The following SLC2A9 variants were observed in gnomAD, a reference collection of about 807,000 sequenced individuals.
The protein encoded by SLC2A9 is solute carrier family 2 member 9.
Under a neutral mutation model 50.6 loss-of-function variants are expected in SLC2A9, and 39 were observed. That is an observed-to-expected ratio of 0.77 (90% CI 0.60 to 1.01). The LOEUF (loss-of-function observed/expected upper bound fraction) is 1.01, where lower values mean the gene tolerates loss of function less well. Ranked by LOEUF, SLC2A9 falls within the 50% of genes least tolerant of loss-of-function variation. The pLI, the probability that SLC2A9 is intolerant of heterozygous loss-of-function variation, is 0.00. For missense variants in SLC2A9, 686 were observed against 677.6 expected, an observed-to-expected ratio of 1.01 and a Z score of -0.14; for synonymous variants, 324 against 276.9, an observed-to-expected ratio of 1.17 and a Z score of -1.69.
chr4:9,813,027 A>C (rs1306795733), intron 3 of SLC2A9, among the ~76,000 whole-genome samples: 2 of 152,236 alleles, frequency 1.3e-5, no homozygotes, highest in African/African-American at 4.8e-5. Flanking sequence ...TTTGGGTTTC[A>C]TAACCAGCTA....
intron 2 of SLC2A9, among the ~76,000 whole-genome samples, chr4:10,000,288 T>C (rs927156261): frequency 3.3e-5 from 5 of 152,246 alleles, no homozygotes; most frequent in African/African-American, 1.2e-4. Flanking sequence ...GGCCCTGAGC[T>C]AGACACAGAG....
chr4:9,910,574 T>G (rs1330518594), intron 7 of SLC2A9, among the ~76,000 whole-genome samples: 1 of 152,234 alleles, frequency 6.6e-6, no homozygotes, highest in Non-Finnish European at 1.5e-5. Context: ...TGAAGGTGTC[T>G]GACATTTGTG....
intron 1 of SLC2A9, among the ~76,000 whole-genome samples, chr4:9,772,172 C>A (rs1229505835): frequency 6.6e-6 from 1 of 152,138 alleles, no homozygotes. Context: ...GTGAAGACAT[C>A]AGCACTGAGA....
chr4:9,850,209 C>T (rs1382269430), intron 10 of SLC2A9, among the ~76,000 whole-genome samples: 1 of 152,158 alleles, frequency 6.6e-6, no homozygotes, highest in Non-Finnish European at 1.5e-5. Flanking sequence ...GGCCCGCTCT[C>T]ACCATGGACC....
At chr4:9,835,148 C>T (rs899108608) in intron 10 of SLC2A9, 140 bp from the exon 11 acceptor site, 19 of 1,186,714 alleles carry the variant, frequency 1.6e-5, no homozygotes, top group Non-Finnish European at 2.1e-5. Flanking sequence ...GTTCCTGAGT[C>T]GCCCTGGTGG....
At chr4:9,999,895 T>G (rs1199648301) in intron 2 of SLC2A9, among the ~76,000 whole-genome samples, 1 of 151,978 alleles carries the variant, frequency 6.6e-6, no homozygotes, top group African/African-American at 2.4e-5. Context: ...TGGACAGAAG[T>G]GGATGGATTT....
chr4:9,904,273 G>T (rs1204889738), intron 8 of SLC2A9, among the ~76,000 whole-genome samples: 1 of 152,128 alleles, frequency 6.6e-6, no homozygotes, highest in Admixed American at 6.6e-5. Flanking sequence ...GTGTCTGCAG[G>T]GCTGGTTCCT....
chr4:10,005,962 A>C (rs1281348758), intron 2 of SLC2A9, among the ~76,000 whole-genome samples: 1 of 152,176 alleles, frequency 6.6e-6, no homozygotes, highest in Non-Finnish European at 1.5e-5. Flanking sequence ...TACTGTGAAG[A>C]TTTAATGAGA....
Position 9,872,375 on chromosome 4 carries a change from T to A in SLC2A9, c.1291+15192A>T, listed in dbSNP as rs73225812. On this transcript the variant is annotated intron_variant, in intron 10 of 11. Coordinates refer to ENST00000264784, the MANE Select transcript of SLC2A9 (RefSeq NM_020041.3). ...ACATTGTCAGCTCAAGGTCAATTCA[T>A]CAAAAAGCAAAGACTGGTAAATGCA... Among the ~76,000 whole-genome samples, 26 of 152,130 alleles carry A rather than the reference T, an allele frequency of 1.7e-4. No homozygotes were observed. The East Asian group carries it at 1.7e-3, about 10-fold the overall frequency.
At chr4:10,031,458 A>G (rs541384121) in intron 1 of SLC2A9, among the ~76,000 whole-genome samples, 2 of 152,334 alleles carry the variant, frequency 1.3e-5, no homozygotes, top group East Asian at 1.9e-4. Flanking sequence ...CTTTAGATCA[A>G]TGAGATGCAT....
At chr4:9,817,068 T>TTC (rs376214112) in intron 3 of SLC2A9, among the ~76,000 whole-genome samples, 2 of 152,088 alleles carry the variant, frequency 1.3e-5, no homozygotes, top group East Asian at 1.9e-4. Flanking sequence ...TCAAATCTTT[T>TTC]TCTCTCTCTC....
intron 8 of SLC2A9, 108 bp downstream of exon 8, chr4:9,908,127 G>A (rs1741023846): frequency 1.2e-6 from 1 of 812,636 alleles, no homozygotes; most frequent in Non-Finnish European, 2.2e-6. Context: ...TGTCCTAATT[G>A]ATGAATTCTG....
chr4:10,027,360 G>A (rs774931186), intron 1 of SLC2A9, among the ~76,000 whole-genome samples: 1 of 152,132 alleles, frequency 6.6e-6, no homozygotes, highest in African/African-American at 2.4e-5. Context: ...AGAAAAAAAC[G>A]TGTCTTTGAT....
chr4:9,780,970 T>A (rs542999220), intron 3 of SLC2A9, among the ~76,000 whole-genome samples: 10 of 152,254 alleles, frequency 6.6e-5, no homozygotes, highest in African/African-American at 2.2e-4. Context: ...CTGAGTTCAT[T>A]CCGAATTATT....
At chr4:9,882,890 G>C (rs930011999) in intron 10 of SLC2A9, among the ~76,000 whole-genome samples, 4 of 152,096 alleles carry the variant, frequency 2.6e-5, no homozygotes, top group African/African-American at 9.7e-5. Flanking sequence ...AACAATAAGG[G>C]AGAGTCCTTA....
chr4:9,979,973 G>A (rs1035794166), intron 5 of SLC2A9, among the ~76,000 whole-genome samples: 2 of 149,578 alleles, frequency 1.3e-5, no homozygotes, highest in South Asian at 2.1e-4. Context: ...TCCATTTAGA[G>A]GCCACCTCTT....
chr4:9,858,272 C>T (rs1404039621), intron 10 of SLC2A9, among the ~76,000 whole-genome samples: 4 of 152,086 alleles, frequency 2.6e-5, no homozygotes, highest in South Asian at 2.1e-4. Context: ...TGGACTTTGG[C>T]GGTAGCTTGA....
chr4:9,873,978 G>A (rs1184987208), intron 10 of SLC2A9, among the ~76,000 whole-genome samples: 1 of 152,098 alleles, frequency 6.6e-6, no homozygotes, highest in African/African-American at 2.4e-5. Flanking sequence ...CTATGTCCCA[G>A]CTCAAAATTC....
intron 5 of SLC2A9, among the ~76,000 whole-genome samples, chr4:9,962,162 T>C (rs1752364728): frequency 6.6e-6 from 1 of 152,180 alleles, no homozygotes; most frequent in Non-Finnish European, 1.5e-5. Context: ...AGTGTGGCAA[T>C]TCCTCAAAGA....
Sources: gnomAD v4.1 joint callset for allele counts (sites outside exome capture counted in the v4.1 genomes callset) on GRCh38, gnomAD v4.1.1 for gene constraint, MANE v1.5 for transcripts, NCBI Gene and HGNC (gene_info 2026-07-23, HGNC 2026-07-21) for gene names.